The following TMEM108 variants were observed in gnomAD, a reference collection of about 807,000 sequenced individuals.
TMEM108 encodes transmembrane protein 108.
Under a neutral mutation model 35.1 loss-of-function variants are expected in TMEM108, and 12 were observed. The ratio of observed to expected loss-of-function variants is 0.34; its 90% CI spans 0.22 to 0.55. The LOEUF is 0.55. Among genes scored for constraint, TMEM108 ranks in the 20% least tolerant of loss-of-function variants. The pLI, the probability that TMEM108 is intolerant of heterozygous loss-of-function variation, is 0.89. For synonymous variants in TMEM108, 287 were observed against 308.6 expected (o/e 0.93, Z 0.73); for missense variants, 680 against 753.3 (o/e 0.90, Z 1.14).
chr3:133,346,177 C>A lies in TMEM108; in HGVS notation c.41-33575C>A, dbSNP rs1180490544. On this transcript the variant is annotated intron_variant, in intron 3 of 5. Transcript: ENST00000321871. The surrounding 1 kb of genome is among the most constrained non-coding windows in gnomAD (Gnocchi z 4.0). ...CTAGGAGCACAATTACTAGATCATACAGTAAGACTATGATTAACTTTGTAA... is the reference window on the plus strand; with the variant it reads ...CTAGGAGCACAATTACTAGATCATAAAGTAAGACTATGATTAACTTTGTAA... Among the ~76,000 whole-genome samples, 1 of 151,938 alleles carries A rather than the reference C, an allele frequency of 6.6e-6. No homozygotes were observed. Among genetic ancestry groups the A allele is most frequent in the Non-Finnish European group, 1.5e-5 (1 of 67,842 alleles).
At chr3:133,045,366 T>C (rs1943323359) in intron 1 of TMEM108, among the ~76,000 whole-genome samples, 1 of 152,184 alleles carries the variant, frequency 6.6e-6, no homozygotes, top group Non-Finnish European at 1.5e-5. Context: ...AAGGTTACTG[T>C]GCTAGTGTCT....
intron 2 of TMEM108, among the ~76,000 whole-genome samples, chr3:133,109,115 G>T (rs951410461): frequency 6.6e-6 from 1 of 152,098 alleles, no homozygotes; most frequent in Non-Finnish European, 1.5e-5. Flanking sequence ...GAATGATACG[G>T]TGGAAAGAAT....
At chr3:133,057,433 G>GTATA (rs1339944247) in intron 2 of TMEM108, among the ~76,000 whole-genome samples, 2 of 24,858 alleles carry the variant, frequency 8.0e-5, no homozygotes, top group African/African-American at 1.8e-4. Context: ...GTGTGTGTGT[G>GTATA]TGTATATATA....
intron 2 of TMEM108, among the ~76,000 whole-genome samples, chr3:133,220,681 A>T (rs1170979844): frequency 6.6e-6 from 1 of 152,184 alleles, no homozygotes; most frequent in Non-Finnish European, 1.5e-5. Flanking sequence ...TCCCATGGAC[A>T]CCAGCTGAGT....
At chr3:133,229,437 A>T in intron 3 of TMEM108, 86 bp downstream of exon 3, 1 of 1,336,068 alleles carries the variant, frequency 7.5e-7, no homozygotes. Context: ...TTGGACGGAG[A>T]CCAGGGTTGG....
intron 2 of TMEM108, among the ~76,000 whole-genome samples, chr3:133,188,097 A>G (rs1363913775): frequency 6.6e-6 from 1 of 152,158 alleles, no homozygotes; most frequent in Non-Finnish European, 1.5e-5. Context: ...TGTCACATTG[A>G]CACTGAGGAA....
At chr3:133,109,453 C>T (rs1467579189) in intron 2 of TMEM108, among the ~76,000 whole-genome samples, 2 of 151,040 alleles carry the variant, frequency 1.3e-5, no homozygotes, top group African/African-American at 4.8e-5. Context: ...CATAGTGAGA[C>T]CCCGTTCTCC....
chr3:133,174,659 T>C (rs1945183689), intron 2 of TMEM108, among the ~76,000 whole-genome samples: 1 of 152,012 alleles, frequency 6.6e-6, no homozygotes, highest in South Asian at 2.1e-4. Context: ...AGGACATCCA[T>C]GCCAAAAACC....
intron 2 of TMEM108, among the ~76,000 whole-genome samples, chr3:133,226,978 A>G (rs1287204526): frequency 6.6e-6 from 1 of 152,004 alleles, no homozygotes; most frequent in Non-Finnish European, 1.5e-5. Context: ...GGAAACTCCC[A>G]TTTTTAAAAC....
At chr3:133,235,524 G>A (rs1219860079) in intron 3 of TMEM108, among the ~76,000 whole-genome samples, 1 of 152,132 alleles carries the variant, frequency 6.6e-6, no homozygotes, top group African/African-American at 2.4e-5. Context: ...CTTTCTAGGT[G>A]ACTTACCTTA....
chr3:133,296,705 G>A (rs942742840), intron 3 of TMEM108, among the ~76,000 whole-genome samples: 1 of 152,140 alleles, frequency 6.6e-6, no homozygotes, highest in Non-Finnish European at 1.5e-5. Flanking sequence ...TAGGACAGGG[G>A]GGACTTGGGG....
At chr3:133,118,549 A>G (rs966677320) in intron 2 of TMEM108, among the ~76,000 whole-genome samples, 1 of 152,130 alleles carries the variant, frequency 6.6e-6, no homozygotes, top group South Asian at 2.1e-4. Context: ...CCCAGTGAAC[A>G]TCTCATATTT....
intron 3 of TMEM108, among the ~76,000 whole-genome samples, chr3:133,319,828 C>A (rs975504976): frequency 6.6e-6 from 1 of 152,122 alleles, no homozygotes; most frequent in African/African-American, 2.4e-5. Context: ...GGAAGGGGAC[C>A]CTTCATGGGA....
intron 4 of TMEM108, among the ~76,000 whole-genome samples, chr3:133,383,717 G>A (rs1264281273): frequency 6.6e-6 from 1 of 152,214 alleles, no homozygotes; most frequent in East Asian, 1.9e-4. Flanking sequence ...ACTGTCCCTT[G>A]AGGATTCTTC....
chr3:133,218,715 CTCTGGGATA>C (rs1236055069), intron 2 of TMEM108, among the ~76,000 whole-genome samples: 1 of 151,974 alleles, frequency 6.6e-6, no homozygotes, highest in African/African-American at 2.4e-5. Flanking sequence ...ATCCTTGCAT[CTCTGGGATA>C]AATTTCACTT....
intron 2 of TMEM108, among the ~76,000 whole-genome samples, chr3:133,106,676 C>T (rs1238891581): frequency 6.6e-6 from 1 of 152,160 alleles, no homozygotes; most frequent in African/African-American, 2.4e-5. Context: ...TCTGTCATTC[C>T]AAGGGAAAAT....
At chr3:133,343,110 A>G (rs540992935) in intron 3 of TMEM108, among the ~76,000 whole-genome samples, 59 of 152,032 alleles carry the variant, frequency 3.9e-4, no homozygotes, top group African/African-American at 1.4e-3. Flanking sequence ...GGTGGCATGC[A>G]TATAAAAAAA....
chr3:133,040,498 G>T (rs374278150), intron 1 of TMEM108, among the ~76,000 whole-genome samples: 2 of 151,996 alleles, frequency 1.3e-5, no homozygotes, highest in African/African-American at 4.8e-5. Context: ...CCACCATGCC[G>T]GCCAGAAAAT....
At chr3:133,089,903 G>A (rs1274307019) in intron 2 of TMEM108, among the ~76,000 whole-genome samples, 1 of 152,182 alleles carries the variant, frequency 6.6e-6, no homozygotes, top group African/African-American at 2.4e-5. Context: ...TTTAGCATGT[G>A]TTTAATATGT....
Sources: gnomAD v4.1 joint callset for allele counts (sites outside exome capture counted in the v4.1 genomes callset) on GRCh38, gnomAD v4.1.1 for gene constraint, Gnocchi (gnomAD v3.1) non-coding constraint, MANE v1.5 for transcripts, NCBI Gene and HGNC (gene_info 2026-07-23, HGNC 2026-07-21) for gene names.